LDLRAD4: variants seen among roughly 807,000 people sequenced by gnomAD.
LDLRAD4 encodes low-density lipoprotein receptor class A domain-containing protein 4.
LDLRAD4 carries 5 observed loss-of-function variants against 17.0 expected under a neutral mutation model. The ratio of observed to expected loss-of-function variants is 0.29; its 90% CI spans 0.15 to 0.62. LDLRAD4 has a LOEUF of 0.62. LDLRAD4 is among the 20% of genes least tolerant of loss of function. The pLI, the probability that LDLRAD4 is intolerant of heterozygous loss-of-function variation, is 0.84. For synonymous variants in LDLRAD4, 168 were observed against 171.8 expected (o/e 0.98, Z 0.17); for missense variants, 340 against 424.7 (o/e 0.80, Z 1.75).
intron 4 of LDLRAD4, among the ~76,000 whole-genome samples, chr18:13,633,886 C>T (rs2041877074): frequency 6.6e-6 from 1 of 152,192 alleles, no homozygotes; most frequent in African/African-American, 2.4e-5. Context: ...CCACCTGTTC[C>T]TGGCTCTCAC....
intron 3 of LDLRAD4, among the ~76,000 whole-genome samples, chr18:13,537,606 A>T (rs977884322): frequency 1.2e-4 from 18 of 152,204 alleles, no homozygotes; most frequent in Non-Finnish European, 2.5e-4. Context: ...AGTTCCTAAC[A>T]GTCCATGAAC....
At chr18:13,599,123 A>G (rs183817066) in intron 3 of LDLRAD4, among the ~76,000 whole-genome samples, 4 of 152,320 alleles carry the variant, frequency 2.6e-5, no homozygotes, top group African/African-American at 9.6e-5. Flanking sequence ...TGCAACAGGG[A>G]CGTGCTGTGC....
In LDLRAD4 at chr18:13,572,646, A is replaced by G. The variant is rs1166095471; in HGVS notation, c.182-48471A>G. ...GAGATTTGCTTCTAGTTGTCTTACAATTCCCATCATGCTTCTGAGTAACAT... is the reference window on the plus strand; with the variant it reads ...GAGATTTGCTTCTAGTTGTCTTACAGTTCCCATCATGCTTCTGAGTAACAT... On this transcript the variant is annotated intron_variant, in intron 3 of 5. Transcript: ENST00000359446. Among the ~76,000 whole-genome samples, 4 of 152,214 alleles carry G rather than the reference A, an allele frequency of 2.6e-5. No homozygotes were observed. In the East Asian group the frequency reaches 7.7e-4, roughly 29 times the overall value.
intron 1 of LDLRAD4, among the ~76,000 whole-genome samples, chr18:13,326,443 GATCTC>G (rs2081542261): frequency 6.6e-6 from 1 of 152,216 alleles, no homozygotes; most frequent in Non-Finnish European, 1.5e-5. Context: ...AGGAATGACT[GATCTC>G]ATCTTGTCTT....
chr18:13,473,680 A>ATAT (rs2092854924), intron 3 of LDLRAD4, among the ~76,000 whole-genome samples: 5 of 60,072 alleles, frequency 8.3e-5, no homozygotes, highest in Non-Finnish European at 1.5e-4. Context: ...TATATATATA[A>ATAT]CGTTTACATT....
At chr18:13,444,293 GA>G (rs1194131555) in intron 3 of LDLRAD4, among the ~76,000 whole-genome samples, 1 of 152,178 alleles carries the variant, frequency 6.6e-6, no homozygotes, top group African/African-American at 2.4e-5. Context: ...GGAATTTGGG[GA>G]TTGTCAATGA....
chr18:13,617,634 A>G (rs1372330490), intron 3 of LDLRAD4, among the ~76,000 whole-genome samples: 2 of 152,250 alleles, frequency 1.3e-5, no homozygotes, highest in African/African-American at 4.8e-5. Flanking sequence ...AAGATGTGTA[A>G]CCATAATATG....
chr18:13,343,274 T>G (rs1195181108), intron 1 of LDLRAD4, among the ~76,000 whole-genome samples: 1 of 118,252 alleles, frequency 8.5e-6, no homozygotes, highest in Non-Finnish European at 1.6e-5. Context: ...GATGTTCCCC[T>G]TCCTGTGTCC....
intron 3 of LDLRAD4, among the ~76,000 whole-genome samples, chr18:13,486,231 A>G (rs918590717): frequency 6.6e-6 from 1 of 152,220 alleles, no homozygotes; most frequent in African/African-American, 2.4e-5. Flanking sequence ...TCCCTGGGAT[A>G]TGTCACATTG....
At chr18:13,262,401 T>C (rs1245261280) in intron 1 of LDLRAD4, among the ~76,000 whole-genome samples, 6 of 126,492 alleles carry the variant, frequency 4.7e-5, no homozygotes, top group Non-Finnish European at 6.4e-5. Flanking sequence ...CGTGTGGCTC[T>C]GTGCGTGGGG....
At chr18:13,521,018 C>T (rs2147652270) in intron 3 of LDLRAD4, 1 of 152,334 alleles carries the variant, frequency 6.6e-6, no homozygotes, top group Non-Finnish European at 1.5e-5. Context: ...TGGAGGTAGC[C>T]TAGTGAATGC....
At chr18:13,641,400 A>C (rs1437553157) in intron 4 of LDLRAD4, among the ~76,000 whole-genome samples, 1 of 152,272 alleles carries the variant, frequency 6.6e-6, no homozygotes, top group African/African-American at 2.4e-5. Context: ...GAGATAGATT[A>C]GAAGGATAGA....
At chr18:13,424,289 G>A (rs1055744405) in intron 2 of LDLRAD4, among the ~76,000 whole-genome samples, 1 of 152,164 alleles carries the variant, frequency 6.6e-6, no homozygotes, top group Non-Finnish European at 1.5e-5. Flanking sequence ...TCTGGTTCAA[G>A]GTGAAACCAG....
chr18:13,427,695 G>C (rs1204970887), intron 2 of LDLRAD4, among the ~76,000 whole-genome samples: 1 of 152,214 alleles, frequency 6.6e-6, no homozygotes, highest in Non-Finnish European at 1.5e-5. Flanking sequence ...AGCTATTTAT[G>C]ACCTTGAGGA....
intron 1 of LDLRAD4, among the ~76,000 whole-genome samples, chr18:13,225,950 G>T (rs2041760157): frequency 6.6e-6 from 1 of 151,708 alleles, no homozygotes; most frequent in African/African-American, 2.4e-5. Context: ...GCTGTTACCG[G>T]TTTTCTCTGT....
At chr18:13,603,709 T>C (rs1487740137) in intron 3 of LDLRAD4, among the ~76,000 whole-genome samples, 1 of 152,228 alleles carries the variant, frequency 6.6e-6, no homozygotes, top group Non-Finnish European at 1.5e-5. Context: ...TCCTGTGTGC[T>C]CCTGCAGCAC....
intron 3 of LDLRAD4, among the ~76,000 whole-genome samples, chr18:13,475,420 C>T (rs1394442044): frequency 7.3e-6 from 1 of 136,556 alleles, no homozygotes; most frequent in Non-Finnish European, 1.6e-5. Context: ...GCCACCACAC[C>T]CCGCTGATTT....
At chr18:13,409,892 TGAAAA>T (rs2088158832) in intron 2 of LDLRAD4, among the ~76,000 whole-genome samples, 1 of 152,156 alleles carries the variant, frequency 6.6e-6, no homozygotes, top group African/African-American at 2.4e-5. Flanking sequence ...TTATTAATTA[TGAAAA>T]GAAAATAGTA....
chr18:13,387,528 G>A (rs1421220305), exon 2 of LDLRAD4: 15 of 538,808 alleles, frequency 2.8e-5, no homozygotes, highest in East Asian at 7.0e-5. Context: ...AGGGACCGCC[G>A]CCGCCCAGGT....
Sources: allele counts gnomAD v4.1 joint callset (sites outside exome capture counted in the v4.1 genomes callset), GRCh38; gene constraint gnomAD v4.1.1; transcripts MANE v1.5; gene names NCBI Gene and HGNC (gene_info 2026-07-23, HGNC 2026-07-21).